ACSM3: variants seen among roughly 807,000 people sequenced by gnomAD.
ACSM3 encodes the protein acyl-CoA synthetase medium chain family member 3, also known as acyl-coenzyme A synthetase ACSM3, mitochondrial.
In ACSM3, 61 loss-of-function variants were observed where a neutral mutation model predicts 74.1. That is an observed-to-expected ratio of 0.82 (90% CI 0.67 to 1.02). The LOEUF (loss-of-function observed/expected upper bound fraction) is 1.02, where lower values mean the gene tolerates loss of function less well. Ranked by LOEUF, ACSM3 falls within the 50% of genes least tolerant of loss-of-function variation. The pLI, the probability that ACSM3 is intolerant of heterozygous loss-of-function variation, is 0.00. For missense variants in ACSM3, 660 were observed against 697.0 expected, an observed-to-expected ratio of 0.95 and a Z score of 0.60; for synonymous variants, 213 against 241.5, an observed-to-expected ratio of 0.88 and a Z score of 1.09.
intron 1 of ACSM3, among the ~76,000 whole-genome samples, chr16:20,724,937 G>A (rs1416304425): frequency 2.6e-5 from 4 of 152,200 alleles, no homozygotes; most frequent in Admixed American, 6.5e-5. Flanking sequence ...AAACAATATC[G>A]TGAAAATGGC....
chr16:20,700,907 C>G (rs925449920), intron 1 of ACSM3, among the ~76,000 whole-genome samples: 5 of 152,032 alleles, frequency 3.3e-5, no homozygotes, highest in Non-Finnish European at 7.4e-5. Flanking sequence ...GGATGCCAGT[C>G]GGGAGGCTAC....
chr16:20,682,796 A>G (rs1161958131), intron 1 of ACSM3, among the ~76,000 whole-genome samples: 1 of 152,230 alleles, frequency 6.6e-6, no homozygotes, highest in African/African-American at 2.4e-5. Context: ...GTATAGATGT[A>G]AACAGAACAG....
At chr16:20,732,105 C>T (rs2079834052) in intron 1 of ACSM3, among the ~76,000 whole-genome samples, 1 of 152,094 alleles carries the variant, frequency 6.6e-6, no homozygotes, top group African/African-American at 2.4e-5. Flanking sequence ...AAGAACATAC[C>T]TGTATGTATC....
chr16:20,691,640 G>C (rs773309826), intron 1 of ACSM3, among the ~76,000 whole-genome samples: 1 of 152,038 alleles, frequency 6.6e-6, no homozygotes, highest in Non-Finnish European at 1.5e-5. Context: ...CATGGAAGCT[G>C]TGATATCTTT....
At chr16:20,765,901 CTT>C (rs987336782) in intron 1 of ACSM3, among the ~76,000 whole-genome samples, 4 of 152,288 alleles carry the variant, frequency 2.6e-5, no homozygotes, top group South Asian at 2.1e-4. Flanking sequence ...CCATTACTCT[CTT>C]TGTTTTCTTG....
chr16:20,738,110 A>G, intron 1 of ACSM3: 1 of 765,440 alleles, frequency 1.3e-6, no homozygotes, highest in Admixed American at 2.2e-5. Flanking sequence ...TCCAAACAGT[A>G]TTTCTTCAGT....
intron 1 of ACSM3, among the ~76,000 whole-genome samples, chr16:20,693,039 G>A (rs1319099824): frequency 6.6e-6 from 1 of 151,990 alleles, no homozygotes; most frequent in Non-Finnish European, 1.5e-5. Context: ...GCATGGAAGT[G>A]CCTGCCTGTA....
intron 1 of ACSM3, chr16:20,737,407 T>C (rs2079880391): frequency 9.9e-7 from 1 of 1,015,186 alleles, no homozygotes; most frequent in Non-Finnish European, 1.4e-6. Flanking sequence ...CTCTTCTATG[T>C]GGACTTCAAA....
chr16:20,729,426 G>T, intron 1 of ACSM3: 1 of 862,234 alleles, frequency 1.2e-6, no homozygotes, highest in Non-Finnish European at 1.9e-6. Flanking sequence ...GGAGGATGTG[G>T]TGGTCAAAGG....
At position 20,792,805 on chromosome 16, in the gene ACSM3, A is replaced by G. The variant is rs1017382764; in HGVS notation, c.1554+470A>G. On this transcript the variant is annotated intron_variant, in intron 12 of 13. Transcript: ENST00000289416. Reference sequence around the variant, plus strand: ...AAGCAGTCTTGGTAGGTAAATAAGTAGAGATTTCAGGAAATAAACTCTGAA... The same window carrying G: ...AAGCAGTCTTGGTAGGTAAATAAGTGGAGATTTCAGGAAATAAACTCTGAA... 64 of 694,340 alleles carry G rather than the reference A, an allele frequency of 9.2e-5. No homozygotes were observed. The African/African-American group carries it at 1.2e-3, about 13-fold the overall frequency. The allele number at this position is 694,340 out of a possible 1,614,324, so 43.0% of individuals were successfully genotyped here.
chr16:20,711,156 T>C (rs921935827), intron 1 of ACSM3, among the ~76,000 whole-genome samples: 1 of 152,040 alleles, frequency 6.6e-6, no homozygotes, highest in Non-Finnish European at 1.5e-5. Context: ...ACCATAATAA[T>C]GTCTACTATA....
At chr16:20,762,272 A>G (rs1056781738), upstream of ACSM3, among the ~76,000 whole-genome samples, 4 of 147,584 alleles carry the variant, frequency 2.7e-5, no homozygotes, top group African/African-American at 7.8e-5. Context: ...GTGAGAGTAG[A>G]AAAAAAAACA....
chr16:20,690,925 G>T, intron 1 of ACSM3: 2 of 1,471,336 alleles, frequency 1.4e-6, no homozygotes, highest in Non-Finnish European at 1.8e-6. Flanking sequence ...ATACCTTTCA[G>T]CCTAGTAGGA....
chr16:20,685,258 T>C, intron 1 of ACSM3: 1 of 1,614,204 alleles, frequency 6.2e-7, no homozygotes, highest in Non-Finnish European at 8.5e-7. Flanking sequence ...CAAGGCCAGA[T>C]GGTCTCCCTG....
rs1201673307 is a variant in ACSM3 at position 20,797,216 on chromosome 16, T to C, written c.*244T>C. On this transcript the variant is annotated 3_prime_UTR_variant, in exon 14 of 14. Coordinates refer to ENST00000289416, the MANE Select transcript of ACSM3 (RefSeq NM_005622.4). ...TAAAAATAATACCATCAATTGCTGA[T>C]TAATTTTTAAATGTATAGTATAGAA... 1 of 1,209,476 alleles carries C rather than the reference T, an allele frequency of 8.3e-7. No individual in the cohort carries two copies. The highest frequency in any genetic ancestry group is 1.0e-6 in the Non-Finnish European group (1 of 972,852). The allele number at this position is 1,209,476 out of a possible 1,614,324, so 74.9% of individuals were successfully genotyped here.
chr16:20,786,060 TTTC>T lies in ACSM3; in HGVS notation c.1144-9_1144-7del, dbSNP rs750587830. 1.3e-5 allele frequency: 20 copies of T among 1,483,412 alleles called. No homozygotes were observed. In the Admixed American group the frequency reaches 3.1e-4, roughly 23 times the overall value. The allele number at this position is 1,483,412 out of a possible 1,614,324, so 91.9% of individuals were successfully genotyped here. Reference sequence around the variant, plus strand: ...AGTGACTTGTAATGTTATCTTACTTTTTCTTCTTCTTAACTAGGTGCTAATCTG... The same window carrying T: ...AGTGACTTGTAATGTTATCTTACTTTTTCTTCTTAACTAGGTGCTAATCTG... On this transcript the variant is annotated splice_polypyrimidine_tract_variant and intron_variant, in intron 8 of 13. Coordinates refer to ENST00000289416, the MANE Select transcript of ACSM3 (RefSeq NM_005622.4).
At chr16:20,675,436 AG>A (rs1365761933) in intron 1 of ACSM3, among the ~76,000 whole-genome samples, 5 of 152,122 alleles carry the variant, frequency 3.3e-5, no homozygotes, top group Non-Finnish European at 7.4e-5. Flanking sequence ...AGTCTGTGGC[AG>A]GGAAAGGCAC....
chr16:20,701,236 G>A (rs941499835), intron 1 of ACSM3, among the ~76,000 whole-genome samples: 1 of 152,096 alleles, frequency 6.6e-6, no homozygotes, highest in Non-Finnish European at 1.5e-5. Context: ...CCTGCTTATA[G>A]GCTGTCTCTA....
intron 1 of ACSM3, chr16:20,742,219 G>T: frequency 2.7e-6 from 1 of 375,108 alleles, no homozygotes; most frequent in Non-Finnish European, 4.9e-6. Flanking sequence ...CATTCATCCA[G>T]CACTGTTACA....
Sources: gnomAD v4.1 joint callset for allele counts (sites outside exome capture counted in the v4.1 genomes callset) on GRCh38, gnomAD v4.1.1 for gene constraint, MANE v1.5 for transcripts, NCBI Gene and HGNC (gene_info 2026-07-23, HGNC 2026-07-21) for gene names.